Variants in STK32B observed in about 807,000 individuals in gnomAD.
STK32B encodes serine/threonine-protein kinase 32B.
A neutral mutation model predicts 52.6 loss-of-function variants in STK32B; 43 were observed. The observed-to-expected ratio is 0.82, with a 90% confidence interval of 0.64 to 1.05. The LOEUF (loss-of-function observed/expected upper bound fraction) is 1.05, where lower values mean the gene tolerates loss of function less well. Ranked by LOEUF, STK32B falls within the 50% of genes least tolerant of loss-of-function variation. STK32B has a pLI of 0.00. For missense variants in STK32B, 621 were observed against 534.6 expected (o/e 1.16, Z -1.59); for synonymous variants, 238 against 204.3 (o/e 1.17, Z -1.41).
chr4:5,146,680 A>G lies in STK32B; in HGVS notation c.108+6720A>G, dbSNP rs544357652. On this transcript the variant is annotated intron_variant, in intron 2 of 11. Transcript: ENST00000282908. ...CATCCTTCAATCCAGTCAAGCTGAC[A>G]TTTAATATTAACCATCACAGATTGC... Among the ~76,000 whole-genome samples, 15 of 152,350 alleles carry G rather than the reference A, an allele frequency of 9.8e-5. No individual in the cohort carries two copies. The East Asian group carries it at 2.5e-3, about 25-fold the overall frequency.
intron 1 of STK32B, among the ~76,000 whole-genome samples, chr4:5,116,144 G>C (rs1714702150): frequency 6.6e-6 from 1 of 151,920 alleles, no homozygotes. Context: ...TGGTGCATCA[G>C]CTGCTCTATA....
At chr4:5,075,986 A>G (rs1025825107) in intron 1 of STK32B, among the ~76,000 whole-genome samples, 3 of 152,208 alleles carry the variant, frequency 2.0e-5, no homozygotes, top group African/African-American at 4.8e-5. Context: ...TCATGCATCT[A>G]TGGGACTGCA....
chr4:5,445,125 C>G (rs372538647), intron 6 of STK32B, among the ~76,000 whole-genome samples: 1 of 152,180 alleles, frequency 6.6e-6, no homozygotes, highest in East Asian at 1.9e-4. Context: ...TAAAACATGT[C>G]CCCGGAGGCT....
chr4:5,269,345 C>T (rs1727264191), intron 3 of STK32B, among the ~76,000 whole-genome samples: 1 of 152,140 alleles, frequency 6.6e-6, no homozygotes, highest in African/African-American at 2.4e-5. Flanking sequence ...GGGTACTAAG[C>T]TTTAGATTAA....
At position 5,486,382 on chromosome 4, in the gene STK32B, C is replaced by G. The variant is rs188990531; in HGVS notation, c.1107-12563C>G. ...AGGCTCCGTGGGTGTAGGATCCTCC[C>G]AGCCAGGCGCGGGATGTAATTGCTG... On this transcript the variant is annotated intron_variant, in intron 11 of 11. Transcript: ENST00000282908. 5.9e-5 allele frequency among the ~76,000 whole-genome samples: 9 copies of G among 152,312 alleles called. No individual in the cohort carries two copies. The East Asian group carries it at 1.7e-3, about 29-fold the overall frequency.
intron 2 of STK32B, among the ~76,000 whole-genome samples, chr4:5,144,933 A>C (rs1314402167): frequency 6.6e-6 from 1 of 152,224 alleles, no homozygotes; most frequent in Admixed American, 6.5e-5. Flanking sequence ...TCTCAGATAC[A>C]TGCAGGAGGC....
chr4:5,035,888 T>A, the STK32B span, among the ~76,000 whole-genome samples: 1 of 151,748 alleles, frequency 6.6e-6, no homozygotes, highest in African/African-American at 2.4e-5. Context: ...TTCAAGTGAT[T>A]CTCCTGCCTC....
At chr4:5,253,271 C>A (rs1258022787) in intron 3 of STK32B, among the ~76,000 whole-genome samples, 2 of 152,054 alleles carry the variant, frequency 1.3e-5, no homozygotes, top group Non-Finnish European at 2.9e-5. Context: ...CAAACCTGGG[C>A]CTCCAACTAG....
chr4:5,489,817 T>G (rs1365641815), intron 11 of STK32B, among the ~76,000 whole-genome samples: 1 of 152,136 alleles, frequency 6.6e-6, no homozygotes, highest in Non-Finnish European at 1.5e-5. Flanking sequence ...TTTATATGAG[T>G]GCTCATTTAT....
chr4:5,320,644 G>A (rs1400521330), intron 3 of STK32B, among the ~76,000 whole-genome samples: 3 of 152,042 alleles, frequency 2.0e-5, no homozygotes, highest in South Asian at 2.1e-4. Context: ...AGTATGTATC[G>A]CCACAGGGAT....
intron 4 of STK32B, among the ~76,000 whole-genome samples, chr4:5,365,207 C>T (rs1477521043): frequency 6.6e-6 from 1 of 152,188 alleles, no homozygotes; most frequent in African/African-American, 2.4e-5. Context: ...TAAGCCTTAC[C>T]AAATTCTACT....
At chr4:5,387,255 C>T (rs150098237) in intron 4 of STK32B, among the ~76,000 whole-genome samples, 13 of 152,272 alleles carry the variant, frequency 8.5e-5, no homozygotes, top group East Asian at 7.7e-4. Context: ...AATTTACAGA[C>T]GGGATAATGC....
rs941067037 is a variant in STK32B at position 5,156,664 on chromosome 4, G to A, written c.109-11635G>A. On this transcript the variant is annotated intron_variant, in intron 2 of 11. Transcript: ENST00000282908. ...CGAAAGTGTCTTCTTGGATTGGCAC[G>A]TGGGCCCTCTGCTTGAAGAGCTGCA... is the stretch of plus-strand genomic sequence containing the variant. Among the ~76,000 whole-genome samples the A allele has an allele frequency of 5.3e-5, 8 of 152,196 alleles. No homozygotes were observed. In the South Asian group the frequency reaches 1.7e-3, roughly 32 times the overall value.
intron 3 of STK32B, among the ~76,000 whole-genome samples, chr4:5,177,280 A>C (rs1719983207): frequency 6.6e-6 from 1 of 152,166 alleles, no homozygotes; most frequent in Non-Finnish European, 1.5e-5. Flanking sequence ...GGATGGAGTG[A>C]GTGCCAGTGG....
intron 11 of STK32B, among the ~76,000 whole-genome samples, chr4:5,489,091 G>A (rs1577054666): frequency 2.0e-5 from 3 of 152,160 alleles, no homozygotes; most frequent in Admixed American, 1.3e-4. Context: ...TTTATAATTT[G>A]AAGTCGTAAT....
intron 3 of STK32B, among the ~76,000 whole-genome samples, chr4:5,186,495 C>G (rs1720750617): frequency 6.6e-6 from 1 of 152,314 alleles, no homozygotes; most frequent in South Asian, 2.1e-4. Flanking sequence ...AAGACAGATG[C>G]TAACCAGCAG....
At position 5,470,227 on chromosome 4, in the gene STK32B, T is replaced by G. The variant is rs899893939; in HGVS notation, c.1106+2157T>G. On this transcript the variant is annotated intron_variant, in intron 11 of 11. Coordinates refer to ENST00000282908, the MANE Select transcript of STK32B (RefSeq NM_018401.3). The surrounding 1 kb of genome is among the most constrained non-coding windows in gnomAD (Gnocchi z 4.6). The stretch of plus-strand genomic sequence containing the variant: ...AGCTTCAGCCGAGTAGATGTTTTCT[T>G]CCTCACGTGTAAATGGGAATTGATG... Among the ~76,000 whole-genome samples the G allele has an allele frequency of 2.6e-5, 4 of 152,164 alleles. No homozygotes were observed. Among genetic ancestry groups the G allele is most frequent in the Admixed American group, 6.5e-5 (1 of 15,270 alleles).
At chr4:5,491,819 C>G (rs1560459611) in intron 11 of STK32B, among the ~76,000 whole-genome samples, 1 of 151,946 alleles carries the variant, frequency 6.6e-6, no homozygotes, top group Non-Finnish European at 1.5e-5. Flanking sequence ...TTCCCAGCAC[C>G]ATTTATTAAA....
chr4:5,285,165 A>G (rs539411022), intron 3 of STK32B, among the ~76,000 whole-genome samples: 19 of 152,282 alleles, frequency 1.2e-4, no homozygotes, highest in African/African-American at 3.6e-4. Flanking sequence ...TACATACAAA[A>G]TATGTGTTAA....
Sources: allele counts gnomAD v4.1 joint callset (sites outside exome capture counted in the v4.1 genomes callset), GRCh38; gene constraint gnomAD v4.1.1; non-coding constraint Gnocchi (gnomAD v3.1); transcripts MANE v1.5; gene names NCBI Gene and HGNC (gene_info 2026-07-23, HGNC 2026-07-21).